PRR15L: variants seen among roughly 807,000 people sequenced by gnomAD.
PRR15L encodes the protein proline-rich protein 15-like protein.
In PRR15L, 1 loss-of-function variant was observed where a neutral mutation model predicts 3.7. The observed-to-expected ratio is 0.27, with a 90% CI of 0.09 to 1.27. The LOEUF (loss-of-function observed/expected upper bound fraction) is 1.27. PRR15L is among the 50% of genes most tolerant of loss of function. PRR15L has a pLI of 0.47. For synonymous variants in PRR15L, 57 were observed against 51.9 expected (o/e 1.10, Z -0.42); for missense variants, 127 against 128.7 (o/e 0.99, Z 0.06).
Position 47,952,998 on chromosome 17 carries a change from C to G in PRR15L, c.237G>C (p.Lys79Asn). 2.5e-6 allele frequency: 4 copies of G among 1,614,168 alleles called. No individual in the cohort carries two copies. The highest frequency in any genetic ancestry group is 3.4e-6 in the Non-Finnish European group (4 of 1,180,044). Residue 79 changes from lysine to asparagine, a missense_variant, in exon 2 of 2, where the codon AAG (lysine) becomes AAC (asparagine). Transcript: ENST00000300557. ...KVSNSGRFKEKKKVRATLAEN... is the reference protein window; with the variant it reads ...KVSNSGRFKENKKVRATLAEN... ...CTGCCAGCGTGGCTCTCACTTTCTT[C>G]TTCTCCTTGAAGCGTCCTGAGTTGG... is the stretch of plus-strand genomic sequence containing the variant.
At chr17:47,956,269 C>G (rs1245216208) in intron 1 of PRR15L, among the ~76,000 whole-genome samples, 1 of 152,212 alleles carries the variant, frequency 6.6e-6, no homozygotes, top group Admixed American at 6.5e-5. Context: ...TCAAGACCAG[C>G]CTGACCAACA....
rs918215225 is a variant in PRR15L, at chr17:47,955,463, G to T, written c.-30+2194C>A. Among the ~76,000 whole-genome samples the T allele has an allele frequency of 9.2e-5, 14 of 152,014 alleles. No homozygotes were observed. In the South Asian group the frequency reaches 2.7e-3, roughly 29 times the overall value. On this transcript the variant is annotated intron_variant, in intron 1 of 1. Transcript: ENST00000300557. The stretch of plus-strand genomic sequence containing the variant: ...CCCCCTCCCTCAGAGCACACAGCCG[G>T]TGGATTCCTTCCCACCTCTCTGTCT...
intron 1 of PRR15L, among the ~76,000 whole-genome samples, chr17:47,953,970 C>T (rs1037683280): frequency 1.3e-5 from 2 of 152,238 alleles, no homozygotes; most frequent in African/African-American, 4.8e-5. Context: ...ATGCTCTTCC[C>T]AAACTTCCCA....
Position 47,953,278 on chromosome 17 carries a change from T to TGGG in PRR15L, c.-29-18_-29-16dup. The TGGG allele has an allele frequency of 6.9e-7, 1 of 1,453,770 alleles. No individual in the cohort carries two copies. The allele number at this position is 1,453,770 out of a possible 1,614,324, so 90.1% of individuals were successfully genotyped here. A position where few individuals can be genotyped will look rare whatever the true frequency, so the allele number is the denominator to read the frequency against. ...GATGGGGCTTTCTGCTGGAGCAGGGTGGGGGAGACAAAGGGGTCAGTGGGA... is the reference window on the plus strand; with the variant it reads ...GATGGGGCTTTCTGCTGGAGCAGGGTGGGGGGGGAGACAAAGGGGTCAGTGGGA... On this transcript the variant is annotated splice_polypyrimidine_tract_variant and intron_variant, in intron 1 of 1. Coordinates refer to ENST00000300557, the MANE Select transcript of PRR15L (RefSeq NM_024320.4).
chr17:47,954,954 A>G (rs2036111949), intron 1 of PRR15L, among the ~76,000 whole-genome samples: 1 of 56,238 alleles, frequency 1.8e-5, no homozygotes, highest in African/African-American at 5.0e-5. Flanking sequence ...TTTTTGAGAC[A>G]GAGTCTTGCT....
intron 1 of PRR15L, among the ~76,000 whole-genome samples, chr17:47,956,001 C>T (rs2036124450): frequency 6.6e-6 from 1 of 152,244 alleles, no homozygotes; most frequent in Non-Finnish European, 1.5e-5. Flanking sequence ...TTCAAGTTGG[C>T]AAACCTGGGG....
At chr17:47,955,863 A>G (rs2036122921) in intron 1 of PRR15L, among the ~76,000 whole-genome samples, 1 of 152,226 alleles carries the variant, frequency 6.6e-6, no homozygotes, top group Non-Finnish European at 1.5e-5. Context: ...TGGGGCTGCC[A>G]AGGAACTTGG....
chr17:47,956,923 T>C (rs1457477104), intron 1 of PRR15L, among the ~76,000 whole-genome samples: 4 of 152,240 alleles, frequency 2.6e-5, no homozygotes, highest in African/African-American at 9.6e-5. Context: ...TGCAGGTTCC[T>C]GAGCTGGCCG....
chr17:47,952,832 G>T lies in PRR15L; in HGVS notation c.*91C>A. 1 of 1,337,712 alleles carries T rather than the reference G, an allele frequency of 7.5e-7. No homozygotes were observed. The highest frequency in any genetic ancestry group is 1.5e-5 in the African/African-American group (1 of 68,700). 82.9% of individuals were successfully genotyped at this position (1,337,712 alleles called of 1,614,324 possible). ...GGTATCAACTGGCCCCACAGCTTCA[G>T]CTATGGCCAAAGAGGCCAGCGTGGC... is the stretch of plus-strand genomic sequence containing the variant. On this transcript the variant is annotated 3_prime_UTR_variant, in exon 2 of 2. Transcript: ENST00000300557.
rs113777768 is a variant in PRR15L, at chr17:47,955,803, G to A, written c.-30+1854C>T. On this transcript the variant is annotated intron_variant, in intron 1 of 1. Transcript: ENST00000300557. ...GCACTTGCTTGGTCTGTGGGTGCCC[G>A]AGTCACTGCCTTGTCTGGAATGAGG... 2.7e-4 allele frequency among the ~76,000 whole-genome samples: 41 copies of A among 152,270 alleles called. 1 individual carries two copies. Among genetic ancestry groups the A allele is most frequent in the African/African-American group, 7.7e-4 (32 of 41,564 alleles).
intron 1 of PRR15L, among the ~76,000 whole-genome samples, chr17:47,954,200 T>C (rs1385300379): frequency 6.6e-6 from 1 of 152,078 alleles, no homozygotes; most frequent in African/African-American, 2.4e-5. Context: ...GAGTGGGAAG[T>C]CCTGGGGGCT....
chr17:47,953,037 C>G lies in PRR15L; in HGVS notation c.198G>C (p.Lys66Asn), dbSNP rs766003186. Residue 66 changes from lysine to asparagine, a missense_variant, in exon 2 of 2, where the codon AAG becomes AAC. Coordinates refer to ENST00000300557, the MANE Select transcript of PRR15L (RefSeq NM_024320.4). ...GTCCTGAGTTGGAGACCTTGACGTG[C>G]TTGCCCTTTGTGCTCTTGTCCACAA... The part of the protein sequence containing the change: ...EKIVDKSTKG[K>N]HVKVSNSGRF... The G allele has an allele frequency of 1.9e-6, 3 of 1,614,188 alleles. No individual in the cohort carries two copies. The highest frequency in any genetic ancestry group is 2.5e-6 in the Non-Finnish European group (3 of 1,180,040).
intron 1 of PRR15L, among the ~76,000 whole-genome samples, chr17:47,953,477 G>T (rs1207276464): frequency 6.6e-6 from 1 of 152,066 alleles, no homozygotes; most frequent in Non-Finnish European, 1.5e-5. Flanking sequence ...TGGCCAACAT[G>T]GTGAAATCCC....
chr17:47,952,871 A>C lies in PRR15L; in HGVS notation c.*52T>G. ...GGCCAGCGTGGCAAGGTCCTGTCTC[A>C]GATCTGGCTGATGGCAGGGAGCCAA... is the stretch of plus-strand genomic sequence containing the variant. On this transcript the variant is annotated 3_prime_UTR_variant, in exon 2 of 2. Coordinates refer to ENST00000300557, the MANE Select transcript of PRR15L (RefSeq NM_024320.4). 1 of 1,540,388 alleles carries C rather than the reference A, an allele frequency of 6.5e-7. No homozygotes were observed. Among genetic ancestry groups the C allele is most frequent in the Non-Finnish European group, 8.8e-7 (1 of 1,138,970 alleles).
intron 1 of PRR15L, among the ~76,000 whole-genome samples, chr17:47,955,519 C>T (rs977394196): frequency 6.6e-6 from 1 of 151,966 alleles, no homozygotes; most frequent in African/African-American, 2.4e-5. Flanking sequence ...CCAGCTCTGT[C>T]CCTTTAGCTG....
chr17:47,956,079 G>C lies in PRR15L; in HGVS notation c.-30+1578C>G, dbSNP rs573720785. 2.6e-5 allele frequency among the ~76,000 whole-genome samples: 4 copies of C among 152,346 alleles called. No homozygotes were observed. The East Asian group carries it at 7.7e-4, about 29-fold the overall frequency. On this transcript the variant is annotated intron_variant, in intron 1 of 1. Transcript: ENST00000300557. ...ACTTCTCAGCAAACTGTAGAGATGG[G>C]AACAGCCCTTGTGCCCTGCCCTGGG...
Position 47,952,655 on chromosome 17 carries a change from G to T in PRR15L, c.*268C>A. Reference sequence around the variant, plus strand: ...CTGGCCCTGCCATTGCTTCAAGGAGGGCTGTTCCTCCTGGGTGAGACTTTT... The same window carrying T: ...CTGGCCCTGCCATTGCTTCAAGGAGTGCTGTTCCTCCTGGGTGAGACTTTT... On this transcript the variant is annotated 3_prime_UTR_variant, in exon 2 of 2. Transcript: ENST00000300557. 1 of 361,404 alleles carries T rather than the reference G, an allele frequency of 2.8e-6. No homozygotes were observed. The highest frequency in any genetic ancestry group is 5.0e-6 in the Non-Finnish European group (1 of 198,080). 22.4% of individuals were successfully genotyped at this position (361,404 alleles called of 1,614,324 possible).
rs367653731 is a variant in PRR15L at position 47,956,645 on chromosome 17, A to G, written c.-30+1012T>C. On this transcript the variant is annotated intron_variant, in intron 1 of 1. Transcript: ENST00000300557. ...AAATTAGCCGACTATTCTTTGTTTT[A>G]CAAAATAACCCAGCTGTAGGATCTG... is the stretch of plus-strand genomic sequence containing the variant. 6.3e-4 allele frequency among the ~76,000 whole-genome samples: 96 copies of G among 152,360 alleles called. 1 individual carries two copies. The highest frequency in any genetic ancestry group is 2.3e-3 in the African/African-American group (94 of 41,586).
In PRR15L at chr17:47,953,248, C is replaced by A. The variant is rs201630490; in HGVS notation, c.-14G>T. ...TTCAGTCGTCATGGCGCTCCCTAAG[C>A]CAAGGATGGGGCTTTCTGCTGGAGC... On this transcript the variant is annotated 5_prime_UTR_variant, in exon 2 of 2. Coordinates refer to ENST00000300557, the MANE Select transcript of PRR15L (RefSeq NM_024320.4). The A allele has an allele frequency of 8.6e-5, 134 of 1,550,208 alleles. No homozygotes were observed. In the East Asian group the frequency reaches 2.8e-3, roughly 33 times the overall value.
Sources: allele counts gnomAD v4.1 joint callset (sites outside exome capture counted in the v4.1 genomes callset), GRCh38; gene constraint gnomAD v4.1.1; transcripts MANE v1.5; gene names NCBI Gene and HGNC (gene_info 2026-07-23, HGNC 2026-07-21).